The following RANBP2 variants were observed in gnomAD, a reference collection of about 807,000 sequenced individuals.
The protein encoded by RANBP2 is RAN binding protein 2.
RANBP2 carries 57 observed loss-of-function variants against 303.6 expected under a neutral mutation model. The observed-to-expected ratio is 0.19, with a 90% CI of 0.15 to 0.23. The LOEUF (loss-of-function observed/expected upper bound fraction) is 0.23, where lower values mean the gene tolerates loss of function less well. Among genes scored for constraint, RANBP2 ranks in the 10% least tolerant of loss-of-function variants. The pLI, the probability that RANBP2 is intolerant of heterozygous loss-of-function variation, is 1.00. For synonymous variants in RANBP2, 1,167 were observed against 1,301.5 expected (o/e 0.90, Z 2.23); for missense variants, 3,138 against 3,780.8 (o/e 0.83, Z 4.46).
At chr2:108,975,133 C>T in the RANBP2 span, among the ~76,000 whole-genome samples, 7 of 152,196 alleles carry the variant, frequency 4.6e-5, no homozygotes, top group African/African-American at 1.2e-4. Context: ...TCTGAGGGTG[C>T]TGGGCAGGGT....
the RANBP2 span, among the ~76,000 whole-genome samples, chr2:109,211,161 G>T: frequency 6.6e-6 from 1 of 152,206 alleles, no homozygotes. Context: ...AATTAAAGGA[G>T]AAGTGAGCCC....
chr2:108,874,290 T>C, the RANBP2 span, among the ~76,000 whole-genome samples: 20 of 152,320 alleles, frequency 1.3e-4, no homozygotes, highest in South Asian at 2.7e-3. Flanking sequence ...TAAACTCTTA[T>C]GGACTGCCTA....
the RANBP2 span, among the ~76,000 whole-genome samples, chr2:109,248,467 C>T: frequency 1.1e-4 from 17 of 152,296 alleles, no homozygotes; most frequent in Admixed American, 1.1e-3. Context: ...TTTCTCACTG[C>T]ATCAAAGTCA....
chr2:108,788,430 A>G (rs889712538), downstream of RANBP2, among the ~76,000 whole-genome samples: 1 of 149,940 alleles, frequency 6.7e-6, no homozygotes, highest in African/African-American at 2.5e-5. Context: ...CAAAAAAGAA[A>G]AAAATAGGCT....
the RANBP2 span, among the ~76,000 whole-genome samples, chr2:108,843,627 A>G: frequency 6.6e-6 from 1 of 152,136 alleles, no homozygotes; most frequent in Non-Finnish European, 1.5e-5. Context: ...GGTTTCTGAT[A>G]AGAAATCTGT....
At chr2:108,732,312 A>G (rs141320079) in intron 4 of RANBP2, among the ~76,000 whole-genome samples, 1 of 152,094 alleles carries the variant, frequency 6.6e-6, no homozygotes, top group Admixed American at 6.6e-5. Context: ...CAGGTTGAGC[A>G]TTTAAAATCC....
At chr2:109,129,541 A>T in the RANBP2 span, 2 of 1,496,746 alleles carry the variant, frequency 1.3e-6, no homozygotes, top group Non-Finnish European at 1.8e-6. Flanking sequence ...CGCCTCCCCC[A>T]TGCTGCTCGG....
At chr2:108,743,532 C>T (rs1249946783) in intron 7 of RANBP2, among the ~76,000 whole-genome samples, 1 of 151,868 alleles carries the variant, frequency 6.6e-6, no homozygotes, top group Non-Finnish European at 1.5e-5. Flanking sequence ...TTCTGCCTTG[C>T]CCTCCCAAAG....
At chr2:109,613,325 T>C in the RANBP2 span, 16 of 402,344 alleles carry the variant, frequency 4.0e-5, no homozygotes, top group Non-Finnish European at 6.5e-5. Flanking sequence ...GGAGGAAAAC[T>C]TGGACGACCA....
At chr2:109,129,052 G>A in the RANBP2 span, 53 of 393,828 alleles carry the variant, frequency 1.3e-4, no homozygotes, top group African/African-American at 1.1e-3. Flanking sequence ...TAGCGAGCAG[G>A]CCAGGGGCGC....
At chr2:109,142,328 C>T in the RANBP2 span, among the ~76,000 whole-genome samples, 2 of 152,150 alleles carry the variant, frequency 1.3e-5, no homozygotes, top group Non-Finnish European at 2.9e-5. Flanking sequence ...TTAAAAATTC[C>T]CATGCATGTT....
chr2:108,923,793 C>T, the RANBP2 span, among the ~76,000 whole-genome samples: 9 of 152,332 alleles, frequency 5.9e-5, no homozygotes, highest in Admixed American at 2.0e-4. Flanking sequence ...GCCTGCTTAG[C>T]CCCCCAGGGG....
chr2:109,030,903 C>T, the RANBP2 span, among the ~76,000 whole-genome samples: 1 of 152,100 alleles, frequency 6.6e-6, no homozygotes, highest in Non-Finnish European at 1.5e-5. Flanking sequence ...TTTAACATCT[C>T]CCAAGTCTTT....
At chr2:109,299,387 A>C in the RANBP2 span, among the ~76,000 whole-genome samples, 592 of 151,684 alleles carry the variant, frequency 3.9e-3, 1 homozygote, top group African/African-American at 0.011. Flanking sequence ...AGTGTTTGGC[A>C]CATCAGGGTC....
At chr2:109,012,780 G>A in the RANBP2 span, among the ~76,000 whole-genome samples, 11 of 152,270 alleles carry the variant, frequency 7.2e-5, no homozygotes, top group Admixed American at 1.3e-4. Flanking sequence ...CGGGCGTGTT[G>A]GCGGGAGCCT....
chr2:108,896,693 G>T, the RANBP2 span: 2 of 589,820 alleles, frequency 3.4e-6, no homozygotes, highest in African/African-American at 3.7e-5. Context: ...GTGAGGTACA[G>T]GCGAGCATCT....
At chr2:109,356,295 C>T in the RANBP2 span, among the ~76,000 whole-genome samples, 1 of 152,284 alleles carries the variant, frequency 6.6e-6, no homozygotes, top group African/African-American at 2.4e-5. Context: ...CACACAGCCA[C>T]AGAAACCAGA....
chr2:109,041,685 CTT>C, the RANBP2 span, among the ~76,000 whole-genome samples: 594 of 82,030 alleles, frequency 7.2e-3, 5 homozygotes, highest in African/African-American at 0.032. Context: ...CCATGCCCGG[CTT>C]TTTTTTTTTT....
In RANBP2 at chr2:108,766,202, G is replaced by T. The variant is rs953116867; in HGVS notation, c.5663G>T (p.Gly1888Val). The change falls in exon 20 of 29, where the codon GGA (glycine) becomes GTA (valine). Residue 1888 changes from glycine to valine, a missense_variant. Around this residue, in one of 20 missense-constraint regions of RANBP2, gnomAD observed 348 missense variants for 360.4 expected, o/e 0.97. Coordinates refer to ENST00000283195, the MANE Select transcript of RANBP2 (RefSeq NM_006267.5). ...SNTEFKSTKE[G>V]FSIPVSADGF... ...ACAGAATTTAAGTCAACCAAAGAAG[G>T]ATTTTCCATCCCTGTGTCTGCTGAT... 5.0e-6 allele frequency: 8 copies of T among 1,612,054 alleles called. No homozygotes were observed. The African/African-American group carries it at 1.1e-4, about 22-fold the overall frequency.
Sources: gnomAD v4.1 joint callset for allele counts (sites outside exome capture counted in the v4.1 genomes callset) on GRCh38, gnomAD v4.1.1 for gene constraint, gnomAD v4.1.1 regional missense constraint, MANE v1.5 for transcripts, NCBI Gene and HGNC (gene_info 2026-07-23, HGNC 2026-07-21) for gene names.